Variants in HTR3B observed in about 807,000 individuals in gnomAD.
HTR3B encodes the protein 5-hydroxytryptamine receptor 3B.
Under a neutral mutation model 42.8 loss-of-function variants are expected in HTR3B, and 44 were observed. The observed-to-expected ratio is 1.03, with a 90% CI of 0.81 to 1.32. HTR3B has a LOEUF of 1.32. HTR3B is among the 40% of genes most tolerant of loss of function. The pLI, the probability that HTR3B is intolerant of heterozygous loss-of-function variation, is 0.00. For missense variants in HTR3B, 527 were observed against 536.5 expected (o/e 0.98, Z 0.17); for synonymous variants, 203 against 209.0 (o/e 0.97, Z 0.25).
rs1422697071 is a variant in HTR3B at position 113,933,428 on chromosome 11, A to C, written c.696+335A>C. Among the ~76,000 whole-genome samples, 4 of 152,198 alleles carry C rather than the reference A, an allele frequency of 2.6e-5. No individual in the cohort carries two copies. The East Asian group carries it at 7.7e-4, about 29-fold the overall frequency. On this transcript the variant is annotated intron_variant, in intron 6 of 8. Coordinates refer to ENST00000260191, the MANE Select transcript of HTR3B (RefSeq NM_006028.5). ...TTGCTACTCAGAAAAAACACAGACA[A>C]ACCCACACACAACAACAACAAATTG...
intron 6 of HTR3B, among the ~76,000 whole-genome samples, chr11:113,938,714 G>A (rs1950110149): frequency 6.6e-6 from 1 of 152,184 alleles, no homozygotes; most frequent in African/African-American, 2.4e-5. Context: ...GCTGCACTGG[G>A]TTTGCAGGGA....
intron 2 of HTR3B, among the ~76,000 whole-genome samples, chr11:113,913,397 G>T (rs1949817560): frequency 9.4e-6 from 1 of 106,192 alleles, no homozygotes; most frequent in Non-Finnish European, 1.8e-5. Context: ...TTTTAGTAGA[G>T]ATGGAGTTTC....
At chr11:113,944,501 TAAAGA>T in intron 7 of HTR3B, 67 bp from the exon 8 acceptor site, 1 of 1,500,838 alleles carries the variant, frequency 6.7e-7, no homozygotes, top group Middle Eastern at 1.7e-4. Context: ...ACCCTGTCCC[TAAAGA>T]AAACAAAAAA....
intron 4 of HTR3B, 46 bp from the exon 5 acceptor site, chr11:113,932,243 A>C: frequency 6.6e-7 from 1 of 1,511,722 alleles, no homozygotes; most frequent in Non-Finnish European, 9.1e-7. Context: ...TTTTGAAATG[A>C]CCAACATCCT....
At chr11:113,928,547 C>G (rs1949998952) in intron 2 of HTR3B, among the ~76,000 whole-genome samples, 2 of 151,834 alleles carry the variant, frequency 1.3e-5, no homozygotes, top group Non-Finnish European at 2.9e-5. Flanking sequence ...TGCTTCCTTC[C>G]TTTTTTTTGA....
intron 6 of HTR3B, among the ~76,000 whole-genome samples, chr11:113,937,507 G>A (rs535358502): frequency 9.9e-5 from 15 of 152,178 alleles, no homozygotes; most frequent in Admixed American, 2.0e-4. Flanking sequence ...ACAAAGCTGA[G>A]CACTTAGCCT....
chr11:113,908,983 G>C, intron 1 of HTR3B: 1 of 497,880 alleles, frequency 2.0e-6, no homozygotes, highest in Non-Finnish European at 3.5e-6. Flanking sequence ...GATGATACAG[G>C]AATAAAGAAA....
intron 2 of HTR3B, among the ~76,000 whole-genome samples, chr11:113,923,812 A>C (rs1484652710): frequency 6.6e-6 from 1 of 152,198 alleles, no homozygotes; most frequent in East Asian, 1.9e-4. Context: ...TCCTTTGACA[A>C]AAAAAGATTT....
chr11:113,928,555 T>G (rs952699850), intron 2 of HTR3B, among the ~76,000 whole-genome samples: 1 of 152,172 alleles, frequency 6.6e-6, no homozygotes, highest in African/African-American at 2.4e-5. Context: ...TCCTTTTTTT[T>G]GAGACGGAGT....
intron 2 of HTR3B, among the ~76,000 whole-genome samples, chr11:113,913,575 C>T (rs977497173): frequency 7.3e-5 from 11 of 151,550 alleles, no homozygotes; most frequent in Admixed American, 2.6e-4. Context: ...AGTGCAATGG[C>T]GCAATCTCGG....
intron 2 of HTR3B, among the ~76,000 whole-genome samples, chr11:113,913,183 ATTTC>A (rs1156593694): frequency 2.0e-5 from 3 of 150,264 alleles, no homozygotes; most frequent in South Asian, 2.1e-4. Flanking sequence ...TGTCCCCAAA[ATTTC>A]TTTCTTTCTT....
chr11:113,945,756 G>C (rs1232015523), intron 8 of HTR3B, 146 bp from the exon 9 acceptor site: 4 of 636,032 alleles, frequency 6.3e-6, no homozygotes, highest in Non-Finnish European at 1.1e-5. Flanking sequence ...CTAATCGGGT[G>C]GGGAGAGTAC....
In HTR3B at chr11:113,947,848, T is replaced by C. The variant is rs1420325589; in HGVS notation, c.*1711T>C. On this transcript the variant is annotated 3_prime_UTR_variant, in exon 9 of 9. Transcript: ENST00000260191. ...TTCCGGAGGTTTAGCAAGTCCAGATTCTGCAGAGTAGGCTGGCAGGCTGGA... is the reference window on the plus strand; with the variant it reads ...TTCCGGAGGTTTAGCAAGTCCAGATCCTGCAGAGTAGGCTGGCAGGCTGGA... Among the ~76,000 whole-genome samples, 1 of 152,156 alleles carries C rather than the reference T, an allele frequency of 6.6e-6. No individual in the cohort carries two copies. The highest frequency in any genetic ancestry group is 6.5e-5 in the Admixed American group (1 of 15,274).
chr11:113,938,453 A>G (rs1174454963), intron 6 of HTR3B, among the ~76,000 whole-genome samples: 1 of 152,046 alleles, frequency 6.6e-6, no homozygotes, highest in Non-Finnish European at 1.5e-5. Flanking sequence ...CTGGGGCAAA[A>G]TTTCTCTCCT....
rs1949722760 is a variant in HTR3B at position 113,904,844 on chromosome 11, A to G, written c.-90A>G. The stretch of plus-strand genomic sequence containing the variant: ...CTGGCAAACGGAGAAGGAGGAGAAC[A>G]GAGTGGAGAGGAACCCTGTTAGGAG... On this transcript the variant is annotated 5_prime_UTR_variant, in exon 1 of 9. Transcript: ENST00000260191. 2.0e-6 allele frequency: 2 copies of G among 997,088 alleles called. No homozygotes were observed. The highest frequency in any genetic ancestry group is 4.8e-5 in the East Asian group (2 of 42,004). 61.8% of individuals were successfully genotyped at this position (997,088 alleles called of 1,614,324 possible). A position where few individuals can be genotyped will look rare whatever the true frequency, so the allele number is the denominator to read the frequency against.
chr11:113,939,539 T>C (rs1950117375), intron 6 of HTR3B, among the ~76,000 whole-genome samples: 1 of 152,118 alleles, frequency 6.6e-6, no homozygotes, highest in Admixed American at 6.6e-5. Context: ...TCAGATGATT[T>C]CTCGGGGAAC....
intron 6 of HTR3B, among the ~76,000 whole-genome samples, chr11:113,942,271 G>A (rs564398581): frequency 2.6e-5 from 4 of 151,860 alleles, no homozygotes; most frequent in Non-Finnish European, 2.9e-5. Flanking sequence ...GCGAGACTCC[G>A]TCTCAAAAAA....
At chr11:113,939,667 G>A (rs1950118523) in intron 6 of HTR3B, among the ~76,000 whole-genome samples, 1 of 152,134 alleles carries the variant, frequency 6.6e-6, no homozygotes, top group Non-Finnish European at 1.5e-5. Flanking sequence ...TGGGTGGAGA[G>A]GTGTCATCTC....
chr11:113,943,515 A>T (rs1950153209), intron 7 of HTR3B, among the ~76,000 whole-genome samples: 1 of 151,862 alleles, frequency 6.6e-6, no homozygotes, highest in Non-Finnish European at 1.5e-5. Context: ...TTGTATTTTT[A>T]GTAGAGACGG....
Sources: gnomAD v4.1 joint callset for allele counts (sites outside exome capture counted in the v4.1 genomes callset) on GRCh38, gnomAD v4.1.1 for gene constraint, MANE v1.5 for transcripts, NCBI Gene and HGNC (gene_info 2026-07-23, HGNC 2026-07-21) for gene names.